The following DACH2 variants were observed in gnomAD, a reference collection of about 807,000 sequenced individuals.
DACH2 encodes dachshund homolog 2.
A neutral mutation model predicts 35.8 loss-of-function variants in DACH2; 17 were observed. The ratio of observed to expected loss-of-function variants is 0.48; its 90% CI spans 0.33 to 0.71. DACH2 has a LOEUF of 0.71. DACH2 is among the 30% of genes least tolerant of loss of function. The pLI is 0.02. For missense variants in DACH2, 469 were observed against 472.7 expected (o/e 0.99, Z 0.07); for synonymous variants, 195 against 177.3 (o/e 1.10, Z -0.79).
At chrX:86,788,440 C>T (rs985186419) in intron 7 of DACH2, among the ~76,000 whole-genome samples, 2 of 111,297 alleles carry the variant, frequency 1.8e-5, no homozygotes, top group African/African-American at 6.6e-5. Flanking sequence ...TGTTCATTTC[C>T]ACCTAACTAC....
chrX:86,264,183 G>C (rs1173781460), intron 1 of DACH2, among the ~76,000 whole-genome samples: 2 of 111,933 alleles, frequency 1.8e-5, no homozygotes, highest in East Asian at 5.6e-4. Flanking sequence ...GATTCATCTA[G>C]AGGGTTGAGC....
chrX:86,394,685 T>G (rs191074393), intron 2 of DACH2, among the ~76,000 whole-genome samples: 1 of 111,831 alleles, frequency 8.9e-6, no homozygotes, highest in Non-Finnish European at 1.9e-5. Flanking sequence ...TGGTAAAGAT[T>G]TTTAAAAATG....
chrX:86,702,818 T>A (rs961908858), intron 5 of DACH2, among the ~76,000 whole-genome samples: 1 of 111,435 alleles, frequency 9.0e-6, no homozygotes, highest in African/African-American at 3.3e-5. Flanking sequence ...CAGGGCTAGA[T>A]GGATTGAAAG....
rs1405483575 is a variant in DACH2 at position 86,232,515 on chromosome X, G to A, written c.488+83407G>A. On this transcript the variant is annotated intron_variant, in intron 1 of 11. Transcript: ENST00000373125. ...ATTTACAAGAGAAAAACAAACAACT[G>A]CATTAAAAAGAGGGCAAAGGACATG... Among the ~76,000 whole-genome samples, 9 of 111,663 alleles carry A rather than the reference G, an allele frequency of 8.1e-5. No individual in the cohort carries two copies. In the South Asian group the frequency reaches 1.5e-3, roughly 18 times the overall value.
intron 1 of DACH2, among the ~76,000 whole-genome samples, chrX:86,191,199 T>A (rs934722851): frequency 9.0e-6 from 1 of 111,546 alleles, no homozygotes; most frequent in African/African-American, 3.3e-5. Flanking sequence ...CCAGCACCAT[T>A]CATAATAGCA....
chrX:86,459,421 C>T (rs956511712), intron 2 of DACH2, among the ~76,000 whole-genome samples: 2 of 111,368 alleles, frequency 1.8e-5, no homozygotes, highest in African/African-American at 6.5e-5. Context: ...TAAACACAAC[C>T]TTTGCGCACC....
At chrX:86,779,924 C>T (rs1286688482) in intron 7 of DACH2, among the ~76,000 whole-genome samples, 1 of 111,304 alleles carries the variant, frequency 9.0e-6, no homozygotes, top group Non-Finnish European at 1.9e-5. Flanking sequence ...CTGGCACCAG[C>T]CATTAGGTTG....
intron 1 of DACH2, among the ~76,000 whole-genome samples, chrX:86,233,164 G>C (rs2032985502): frequency 9.0e-6 from 1 of 111,230 alleles, no homozygotes; most frequent in Admixed American, 9.6e-5. Flanking sequence ...ACATAGAGAG[G>C]AACGATACAC....
At chrX:86,330,104 A>G (rs1288057751) in intron 1 of DACH2, among the ~76,000 whole-genome samples, 3 of 112,347 alleles carry the variant, frequency 2.7e-5, no homozygotes, top group African/African-American at 9.7e-5. Flanking sequence ...GCTTTGGATG[A>G]CAGACTTGTC....
chrX:86,699,257 T>A (rs2041110792), intron 5 of DACH2, among the ~76,000 whole-genome samples: 1 of 112,330 alleles, frequency 8.9e-6, no homozygotes, highest in Non-Finnish European at 1.9e-5. Flanking sequence ...AGAATTTACA[T>A]TCTTCTCGTC....
At chrX:86,452,947 G>A (rs2037406360) in intron 2 of DACH2, among the ~76,000 whole-genome samples, 1 of 110,645 alleles carries the variant, frequency 9.0e-6, no homozygotes, top group East Asian at 2.8e-4. Context: ...TTTTGATGTG[G>A]GCATTTAGTG....
chrX:86,337,606 A>G (rs2035336399), intron 1 of DACH2, among the ~76,000 whole-genome samples: 2 of 112,299 alleles, frequency 1.8e-5, no homozygotes, highest in South Asian at 7.3e-4. Flanking sequence ...CAGTGCAAAA[A>G]CATACCCAAT....
intron 1 of DACH2, among the ~76,000 whole-genome samples, chrX:86,257,636 G>C (rs982680835): frequency 3.6e-5 from 4 of 111,294 alleles, no homozygotes; most frequent in African/African-American, 3.3e-5. Flanking sequence ...TCCAACTCCT[G>C]GGGTCAAGAG....
chrX:86,654,211 A>C (rs1259854250), intron 4 of DACH2, among the ~76,000 whole-genome samples: 1 of 102,925 alleles, frequency 9.7e-6, no homozygotes, highest in Non-Finnish European at 2.0e-5. Context: ...AAAAAAAAAA[A>C]AAACGCAATT....
At chrX:86,403,795 T>G (rs1315405339) in intron 2 of DACH2, among the ~76,000 whole-genome samples, 1 of 111,242 alleles carries the variant, frequency 9.0e-6, no homozygotes, top group Non-Finnish European at 1.9e-5. Context: ...ATTAGTCTGT[T>G]TTCACTCTGC....
chrX:86,823,093 C>T (rs193185014), intron 11 of DACH2, among the ~76,000 whole-genome samples: 2 of 110,948 alleles, frequency 1.8e-5, no homozygotes, highest in Non-Finnish European at 3.8e-5. Flanking sequence ...GCTGGGATTA[C>T]AGGTGTGGGC....
At chrX:86,154,192 A>G (rs1453881783) in intron 1 of DACH2, among the ~76,000 whole-genome samples, 1 of 111,389 alleles carries the variant, frequency 9.0e-6, no homozygotes, top group Non-Finnish European at 1.9e-5. Flanking sequence ...AACATGTTAT[A>G]TTTCAGTTGG....
intron 3 of DACH2, among the ~76,000 whole-genome samples, chrX:86,530,227 A>G (rs1217132644): frequency 1.8e-5 from 2 of 112,087 alleles, no homozygotes; most frequent in Non-Finnish European, 3.8e-5. Flanking sequence ...AGAAGGAAAT[A>G]GGAGTAATAC....
At chrX:86,635,656 T>C (rs915277109) in intron 3 of DACH2, among the ~76,000 whole-genome samples, 1 of 111,782 alleles carries the variant, frequency 8.9e-6, no homozygotes, top group Non-Finnish European at 1.9e-5. Context: ...AAAAGCTCCT[T>C]AAGCTAATAA....
Sources: allele counts gnomAD v4.1 joint callset (sites outside exome capture counted in the v4.1 genomes callset), GRCh38; gene constraint gnomAD v4.1.1; transcripts MANE v1.5; gene names NCBI Gene and HGNC (gene_info 2026-07-23, HGNC 2026-07-21).